Variants in UBAC1 observed in about 807,000 individuals in gnomAD.
The protein encoded by UBAC1 is UBA domain containing 1, also known as ubiquitin-associated domain-containing protein 1.
In UBAC1, 27 loss-of-function variants were observed where a neutral mutation model predicts 45.9. The observed-to-expected ratio is 0.59, with a 90% CI of 0.43 to 0.81. The LOEUF (loss-of-function observed/expected upper bound fraction) is 0.81. UBAC1 is among the 30% of genes least tolerant of loss of function. The probability of loss-of-function intolerance (pLI) is 0.00; values close to 1 mark genes in which losing one functional copy is unlikely to be tolerated. For synonymous variants in UBAC1, 227 were observed against 215.5 expected (o/e 1.05, Z -0.47); for missense variants, 529 against 539.2 (o/e 0.98, Z 0.19).
chr9:135,943,322 G>A (rs1029131096), intron 7 of UBAC1, among the ~76,000 whole-genome samples: 8 of 152,194 alleles, frequency 5.3e-5, no homozygotes, highest in African/African-American at 1.4e-4. Context: ...TCAGGAGGCT[G>A]AGGCAGGAAG....
chr9:135,960,213 GACAC>G (rs1588537929), intron 1 of UBAC1, among the ~76,000 whole-genome samples: 1 of 152,202 alleles, frequency 6.6e-6, no homozygotes, highest in East Asian at 1.9e-4. Flanking sequence ...AGGTCAGTCT[GACAC>G]ACAGACAGGC....
intron 3 of UBAC1, among the ~76,000 whole-genome samples, chr9:135,952,469 G>A (rs1839417710): frequency 6.6e-6 from 1 of 152,256 alleles, no homozygotes; most frequent in African/African-American, 2.4e-5. Context: ...CACGCCACTT[G>A]CAGAACGCAT....
chr9:135,938,236 G>A lies in UBAC1; in HGVS notation c.1088C>T (p.Pro363Leu), dbSNP rs768683277. 9.9e-6 allele frequency: 16 copies of A among 1,613,870 alleles called. No homozygotes were observed. Among genetic ancestry groups the A allele is most frequent in the African/African-American group, 2.7e-5 (2 of 74,920 alleles). Residue 363 changes from proline to leucine, a missense_variant, in exon 9 of 10, where the codon CCG (proline) becomes CTG (leucine). Transcript: ENST00000371756. ...GGCGCACATACCTAGCAATGTTTTC[G>A]GGTTGGTCAGGCCCAGCTGCACCAC... ...NPVVQLGLTN[P>L]KTLLAFEDML...
At chr9:135,956,150 C>T (rs1206238241) in intron 1 of UBAC1, among the ~76,000 whole-genome samples, 1 of 152,200 alleles carries the variant, frequency 6.6e-6, no homozygotes, top group Non-Finnish European at 1.5e-5. Context: ...TTCACACACA[C>T]CACAGCCACC....
intron 7 of UBAC1, among the ~76,000 whole-genome samples, chr9:135,943,292 G>A (rs1341689913): frequency 1.3e-5 from 2 of 152,058 alleles, no homozygotes; most frequent in African/African-American, 4.8e-5. Flanking sequence ...TGGTGGGTGT[G>A]TGCCTGTAGT....
chr9:135,937,703 G>A (rs1839216411), intron 9 of UBAC1, among the ~76,000 whole-genome samples: 1 of 152,228 alleles, frequency 6.6e-6, no homozygotes. Context: ...CACACCGGAG[G>A]GAGGGATGAG....
intron 9 of UBAC1, among the ~76,000 whole-genome samples, chr9:135,934,360 A>C (rs1166856861): frequency 6.6e-6 from 1 of 152,072 alleles, no homozygotes; most frequent in Non-Finnish European, 1.5e-5. Flanking sequence ...TCCAAAAACC[A>C]CTTTAAAATC....
At chr9:135,951,249 C>T (rs1456277094) in intron 3 of UBAC1, among the ~76,000 whole-genome samples, 1 of 152,160 alleles carries the variant, frequency 6.6e-6, no homozygotes, top group Non-Finnish European at 1.5e-5. Flanking sequence ...CCAGCCAAGA[C>T]TGCTAATTTT....
At chr9:135,945,328 A>C (rs1187608157) in intron 6 of UBAC1, 78 bp from the exon 7 acceptor site, 1 of 1,280,052 alleles carries the variant, frequency 7.8e-7, no homozygotes, top group Non-Finnish European at 1.0e-6. Context: ...TCCCAAGAAG[A>C]GCCTCTGCTA....
intron 9 of UBAC1, 33 bp downstream of exon 9, chr9:135,938,184 CCCCGA>C (rs1839221570): frequency 9.3e-6 from 15 of 1,605,574 alleles, no homozygotes; most frequent in South Asian, 1.1e-5. Context: ...CAGCCAGCCT[CCCCGA>C]CCCGAGACTT....
In UBAC1 at chr9:135,933,152, T is replaced by C. The variant is rs944181529; in HGVS notation, c.*248A>G. ...CAGAGGAGCACTGGAGACGAGGCCA[T>C]CACTCCACTTCCCAGTGCGACAACC... On this transcript the variant is annotated 3_prime_UTR_variant, in exon 10 of 10. Transcript: ENST00000371756. The C allele has an allele frequency of 1.3e-5, 6 of 469,192 alleles. No individual in the cohort carries two copies. Among genetic ancestry groups the C allele is most frequent in the Non-Finnish European group, 2.3e-5 (6 of 260,824 alleles). 29.1% of individuals were successfully genotyped at this position (469,192 alleles called of 1,614,324 possible).
At chr9:135,936,152 G>A (rs914572690) in intron 9 of UBAC1, among the ~76,000 whole-genome samples, 8 of 151,960 alleles carry the variant, frequency 5.3e-5, no homozygotes, top group African/African-American at 1.9e-4. Context: ...CTGCACTCTA[G>A]CCTGGGTGAC....
intron 1 of UBAC1, among the ~76,000 whole-genome samples, chr9:135,956,863 C>T (rs970694861): frequency 2.6e-5 from 4 of 152,180 alleles, no homozygotes; most frequent in Non-Finnish European, 5.9e-5. Flanking sequence ...AGGATGAAAC[C>T]CTCACTGGGC....
At chr9:135,945,531 A>C (rs770480644) in intron 6 of UBAC1, 1 of 505,894 alleles carries the variant, frequency 2.0e-6, no homozygotes, top group Non-Finnish European at 3.5e-6. Flanking sequence ...CACAGGGGGA[A>C]CTGCCCCCGG....
Position 135,961,162 on chromosome 9 carries a change from TC to T in UBAC1, c.-1del. On this transcript the variant is annotated 5_prime_UTR_variant, in exon 1 of 10. Coordinates refer to ENST00000371756, the MANE Select transcript of UBAC1 (RefSeq NM_016172.3). ...AAGATCTTCTCCTCCTGCACGAACA[TC>T]CCGCCGCCGCCGCAGGGGCCTGCGC... is the stretch of plus-strand genomic sequence containing the variant. The T allele has an allele frequency of 6.5e-7, 1 of 1,547,854 alleles. No homozygotes were observed. Among genetic ancestry groups the T allele is most frequent in the East Asian group, 2.6e-5 (1 of 38,582 alleles).
chr9:135,953,680 C>A lies in UBAC1; in HGVS notation c.333G>T (p.Lys111Asn). ...PKMADVSAEE[K>N]KKQDQKAPDK... ...CCCAATTGCAAACTTTGAAATTTAC[C>A]TTTTCTTCTGCTGAGACATCAGCCA... Residue 111 changes from lysine (K) to asparagine (N), a missense_variant and splice_region_variant, in exon 3 of 10, where the codon AAG (lysine) becomes AAT (asparagine). By Grantham distance (94) the Lys-to-Asn change is moderately conservative. Transcript: ENST00000371756. 1 of 1,611,080 alleles carries A rather than the reference C, an allele frequency of 6.2e-7. No individual in the cohort carries two copies. Among genetic ancestry groups the A allele is most frequent in the Non-Finnish European group, 8.5e-7 (1 of 1,178,000 alleles).
At chr9:135,937,699 G>A (rs10858185) in intron 9 of UBAC1, among the ~76,000 whole-genome samples, 29,623 of 152,232 alleles carry the variant, frequency 0.19, 3,527 homozygotes, top group Non-Finnish European at 0.28. Context: ...CGGCCACACC[G>A]GAGGGAGGGA....
At chr9:135,942,650 C>CAAA (rs35653463) in intron 7 of UBAC1, among the ~76,000 whole-genome samples, 4 of 95,832 alleles carry the variant, frequency 4.2e-5, no homozygotes, top group Non-Finnish European at 6.3e-5. Flanking sequence ...GAAACTGTCT[C>CAAA]AAAAAAAAAA....
chr9:135,939,401 G>A (rs574766660), intron 8 of UBAC1, among the ~76,000 whole-genome samples: 11 of 152,166 alleles, frequency 7.2e-5, no homozygotes, highest in Non-Finnish European at 8.8e-5. Flanking sequence ...CACCACGCCC[G>A]GGGCGCTCAC....
Sources: gnomAD v4.1 joint callset for allele counts (sites outside exome capture counted in the v4.1 genomes callset) on GRCh38, gnomAD v4.1.1 for gene constraint, MANE v1.5 for transcripts, NCBI Gene and HGNC (gene_info 2026-07-23, HGNC 2026-07-21) for gene names.